The following SLC4A7 variants were observed in gnomAD, a reference collection of about 807,000 sequenced individuals.
The protein encoded by SLC4A7 is solute carrier family 4 member 7.
SLC4A7 carries 51 observed loss-of-function variants against 137.6 expected under a neutral mutation model. The ratio of observed to expected loss-of-function variants is 0.37; its 90% CI spans 0.30 to 0.47. The LOEUF (loss-of-function observed/expected upper bound fraction) is 0.47, where lower values mean the gene tolerates loss of function less well. Ranked by LOEUF, SLC4A7 falls within the 20% of genes least tolerant of loss-of-function variation. The probability of loss-of-function intolerance (pLI) is 1.00; values close to 1 mark genes in which losing one functional copy is unlikely to be tolerated. For synonymous variants in SLC4A7, 542 were observed against 518.6 expected (o/e 1.05, Z -0.61); for missense variants, 1,247 against 1,525.4 (o/e 0.82, Z 3.04).
At chr3:27,390,274 T>C in intron 21 of SLC4A7, 170 bp from the exon 22 acceptor site, 1 of 219,494 alleles carries the variant, frequency 4.6e-6, no homozygotes, top group Non-Finnish European at 9.6e-6. Context: ...CAAAGTGGGG[T>C]CGGGTGGGGG....
rs147745724 is a variant in SLC4A7 at position 27,400,237 on chromosome 3, A to C, written c.2427+527T>G. Among the ~76,000 whole-genome samples, 473 of 152,352 alleles carry C rather than the reference A, an allele frequency of 3.1e-3. 3 individuals are homozygous for C. The highest frequency in any genetic ancestry group is 0.011 in the African/African-American group (459 of 41,582). Reference sequence around the variant, plus strand: ...ATTCAGCACACAGTAGGTGTTCATTACATGTTTTTAATTCTTTTTCCTTTC... The same window carrying C: ...ATTCAGCACACAGTAGGTGTTCATTCCATGTTTTTAATTCTTTTTCCTTTC... On this transcript the variant is annotated intron_variant, in intron 16 of 25. Coordinates refer to ENST00000454389, the MANE Select transcript of SLC4A7 (RefSeq NM_001321103.2).
At chr3:27,454,964 T>C (rs554141079) in intron 1 of SLC4A7, among the ~76,000 whole-genome samples, 1 of 151,672 alleles carries the variant, frequency 6.6e-6, no homozygotes, top group East Asian at 1.9e-4. Flanking sequence ...GACCTCTAAA[T>C]ATCTATCATA....
At chr3:27,436,605 C>T (rs984294917) in intron 4 of SLC4A7, 57 bp from the exon 5 acceptor site, 14 of 1,005,456 alleles carry the variant, frequency 1.4e-5, no homozygotes, top group Non-Finnish European at 2.0e-5. Flanking sequence ...ATTTGTTTAT[C>T]TTAATGTGAT....
At chr3:27,395,649 T>C (rs1273791593) in intron 18 of SLC4A7, among the ~76,000 whole-genome samples, 2 of 152,180 alleles carry the variant, frequency 1.3e-5, no homozygotes, top group East Asian at 1.9e-4. Flanking sequence ...TGAAGGCATA[T>C]TGCCCCCATT....
chr3:27,422,894 G>A (rs770649770), intron 8 of SLC4A7: 3 of 438,378 alleles, frequency 6.8e-6, no homozygotes, highest in Non-Finnish European at 1.4e-5. Flanking sequence ...GTAAAAAAAA[G>A]TAAGACTGTG....
At chr3:27,439,910 T>G (rs1299743277) in intron 3 of SLC4A7, among the ~76,000 whole-genome samples, 1 of 152,244 alleles carries the variant, frequency 6.6e-6, no homozygotes, top group Non-Finnish European at 1.5e-5. Context: ...CCTGCTATTC[T>G]TAGTTTGCAG....
chr3:27,432,906 C>T (rs1029413900), intron 6 of SLC4A7, among the ~76,000 whole-genome samples: 11 of 152,118 alleles, frequency 7.2e-5, no homozygotes, highest in African/African-American at 2.7e-4. Context: ...ATGCGCTATA[C>T]ATTGGCTTGT....
chr3:27,428,482 T>G (rs1388301257), intron 7 of SLC4A7, among the ~76,000 whole-genome samples: 1 of 152,236 alleles, frequency 6.6e-6, no homozygotes, highest in Non-Finnish European at 1.5e-5. Context: ...GAAGCTTCTA[T>G]TTGTACTTCC....
Position 27,483,917 on chromosome 3 carries a change from TGGCGA to T in SLC4A7, c.60+145_60+149del. 8 of 354,698 alleles carry T rather than the reference TGGCGA, an allele frequency of 2.3e-5. 1 individual carries two copies. The highest frequency in any genetic ancestry group is 2.9e-5 in the Non-Finnish European group (7 of 241,968). The allele number at this position is 354,698 out of a possible 1,614,324, so 22.0% of individuals were successfully genotyped here. A position where few individuals can be genotyped will look rare whatever the true frequency, so the allele number is the denominator to read the frequency against. On this transcript the variant is annotated intron_variant, in intron 1 of 25. Coordinates refer to ENST00000454389, the MANE Select transcript of SLC4A7 (RefSeq NM_001321103.2). ...GCCCCAGGCCGCCACACAAAGGGGATGGCGAGGCGCGCCGGCCGCCGGGAGGTGGA... is the reference window on the plus strand; with the variant it reads ...GCCCCAGGCCGCCACACAAAGGGGATGGCGCGCCGGCCGCCGGGAGGTGGA...
rs771379394 is a variant in SLC4A7, at chr3:27,398,254, T to C, written c.2527A>G (p.Thr843Ala). The part of the protein sequence containing the change: ...VLFWCVILFF[T>A]TFFLSSFLKQ... ...AGGAATGAAGACAGAAAAAATGTTG[T>C]GAAAAACAAGATGACACACCAAAAG... The change falls in exon 17 of 26, where the codon ACA becomes GCA. Residue 843 changes from threonine (T) to alanine (A), a missense_variant. Physicochemically the swap from Thr to Ala is moderately conservative, Grantham distance 58. This residue lies in a region of SLC4A7 where 499 missense variants were observed against 664.2 expected (regional missense o/e 0.75). Transcript: ENST00000454389. 6.2e-7 allele frequency: 1 copy of C among 1,613,280 alleles called. No individual in the cohort carries two copies. The highest frequency in any genetic ancestry group is 2.2e-5 in the East Asian group (1 of 44,810).
chr3:27,450,947 G>C (rs182402001), intron 2 of SLC4A7, among the ~76,000 whole-genome samples: 252 of 152,084 alleles, frequency 1.7e-3, no homozygotes, highest in Middle Eastern at 3.4e-3. Flanking sequence ...GGAATATCCA[G>C]GTTATGTATA....
intron 3 of SLC4A7, among the ~76,000 whole-genome samples, chr3:27,442,181 T>A (rs2057251358): frequency 6.6e-6 from 1 of 152,194 alleles, no homozygotes; most frequent in Non-Finnish European, 1.5e-5. Context: ...CCACCACTCC[T>A]GGCATTGATT....
rs916227983 is a variant in SLC4A7 at position 27,426,010 on chromosome 3, TA to T, written c.1151-1859del. Among the ~76,000 whole-genome samples, 5 of 152,294 alleles carry T rather than the reference TA, an allele frequency of 3.3e-5. No homozygotes were observed. In the South Asian group the frequency reaches 1.0e-3, roughly 32 times the overall value. ...GTACTGGTAATCAAGTTCCAGAATT[TA>T]AAGTACATCAGATATACCTGACACA... On this transcript the variant is annotated intron_variant, in intron 7 of 25. Transcript: ENST00000454389.
At chr3:27,458,361 A>G (rs2058518250) in intron 1 of SLC4A7, among the ~76,000 whole-genome samples, 1 of 152,194 alleles carries the variant, frequency 6.6e-6, no homozygotes, top group African/African-American at 2.4e-5. Flanking sequence ...GATGACGTGC[A>G]CTAAATAAGT....
chr3:27,421,611 T>C lies in SLC4A7; in HGVS notation c.1424+11A>G. On this transcript the variant is annotated intron_variant, in intron 9 of 25. Coordinates refer to ENST00000454389, the MANE Select transcript of SLC4A7 (RefSeq NM_001321103.2). ...ATGCTTAGAGAATGTTACTTGGAACTAACTCTTTACCTGGTTGGAACAGGG... is the reference window on the plus strand; with the variant it reads ...ATGCTTAGAGAATGTTACTTGGAACCAACTCTTTACCTGGTTGGAACAGGG... The C allele has an allele frequency of 6.2e-7, 1 of 1,600,904 alleles. No individual in the cohort carries two copies. Among genetic ancestry groups the C allele is most frequent in the Non-Finnish European group, 8.5e-7 (1 of 1,173,620 alleles).
intron 10 of SLC4A7, among the ~76,000 whole-genome samples, 188 bp downstream of exon 10, chr3:27,420,512 C>T (rs1304496522): frequency 6.6e-6 from 1 of 152,010 alleles, no homozygotes; most frequent in Admixed American, 6.5e-5. Flanking sequence ...ACCCACTGAT[C>T]TTGATATAAA....
At chr3:27,466,473 G>A (rs2059003534) in intron 1 of SLC4A7, among the ~76,000 whole-genome samples, 1 of 148,004 alleles carries the variant, frequency 6.8e-6, no homozygotes, top group Admixed American at 6.8e-5. Context: ...AAAAAGAAAA[G>A]GGGGTACATT....
At chr3:27,414,013 C>G (rs2054152906) in intron 11 of SLC4A7, among the ~76,000 whole-genome samples, 1 of 152,230 alleles carries the variant, frequency 6.6e-6, no homozygotes, top group Non-Finnish European at 1.5e-5. Flanking sequence ...GGCGTGGTGG[C>G]TCACACTTGT....
intron 8 of SLC4A7, among the ~76,000 whole-genome samples, 185 bp from the exon 9 acceptor site, chr3:27,421,964 C>G (rs1014325413): frequency 2.0e-5 from 3 of 152,086 alleles, no homozygotes; most frequent in African/African-American, 7.2e-5. Flanking sequence ...AAAAAGCAAG[C>G]AAACTTATTT....
Sources: allele counts gnomAD v4.1 joint callset (sites outside exome capture counted in the v4.1 genomes callset), GRCh38; gene constraint gnomAD v4.1.1; regional missense constraint gnomAD v4.1.1; transcripts MANE v1.5; gene names NCBI Gene and HGNC (gene_info 2026-07-23, HGNC 2026-07-21).